The following CD163L1 variants were observed in gnomAD, a reference collection of about 807,000 sequenced individuals.
The protein encoded by CD163L1 is CD163 molecule like 1.
CD163L1 carries 124 observed loss-of-function variants against 165.4 expected under a neutral mutation model. That is an observed-to-expected ratio of 0.75 (90% CI 0.65 to 0.87). The LOEUF (loss-of-function observed/expected upper bound fraction) is 0.87. Ranked by LOEUF, CD163L1 falls within the 40% of genes least tolerant of loss-of-function variation. The pLI, the probability that CD163L1 is intolerant of heterozygous loss-of-function variation, is 0.00. For synonymous variants in CD163L1, 585 were observed against 662.2 expected (o/e 0.88, Z 1.79); for missense variants, 1,525 against 1,799.9 (o/e 0.85, Z 2.76).
the CD163L1 span, among the ~76,000 whole-genome samples, chr12:7,333,007 T>C: frequency 0.091 from 13,874 of 152,128 alleles, 733 homozygotes; most frequent in East Asian, 0.16. Flanking sequence ...TAAAGAGTCA[T>C]GACCCATCAG....
At chr12:7,409,685 G>A (rs1948096335) in intron 4 of CD163L1, among the ~76,000 whole-genome samples, 1 of 152,174 alleles carries the variant, frequency 6.6e-6, no homozygotes, top group African/African-American at 2.4e-5. Flanking sequence ...GGAGACCCCT[G>A]TCGTAAAGGG....
At chr12:7,439,280 T>G in intron 2 of CD163L1, 1 of 1,552,942 alleles carries the variant, frequency 6.4e-7, no homozygotes, top group Non-Finnish European at 8.7e-7. Context: ...GTTTTCGTCT[T>G]TAAATCTCTT....
rs368648151 is a variant in CD163L1, at chr12:7,373,468, G to A, written c.3582C>T (p.Leu1194=). ...LGCGENGVVS[L]APLSKTGSGF... ...CAGAGCCTGTCTTAGATAAAGGGGC[G>A]AGGCTGACAACTCCATTCTCCCCAC... The change falls in exon 14 of 20, where the codon CTC becomes CTT. Residue 1194 remains leucine, a synonymous_variant. Transcript: ENST00000313599. 15 of 1,614,040 alleles carry A rather than the reference G, an allele frequency of 9.3e-6. No homozygotes were observed. Among genetic ancestry groups the A allele is most frequent in the African/African-American group, 1.3e-5 (1 of 74,906 alleles).
At chr12:7,421,104 TAC>T (rs1256927103) in intron 4 of CD163L1, among the ~76,000 whole-genome samples, 3 of 121,532 alleles carry the variant, frequency 2.5e-5, no homozygotes, top group Non-Finnish European at 5.1e-5. Flanking sequence ...TATGTATATA[TAC>T]ATTTGGAAGA....
At position 7,406,629 on chromosome 12, in the gene CD163L1, G is replaced by A. The variant is rs2136532280; in HGVS notation, c.990C>T (p.Ser330=). 6.2e-7 allele frequency: 1 copy of A among 1,614,092 alleles called. No individual in the cohort carries two copies. Among genetic ancestry groups the A allele is most frequent in the South Asian group, 1.1e-5 (1 of 91,072 alleles). ...AAAGAAAAGATTCATTACCGGAGCA[G>A]GAGACACCATCAAGCCATACAACAT... The part of the protein sequence containing the change: ...GSDVVWLDGV[S]CSGNESFLWD... Residue 330 remains serine, a synonymous_variant, in exon 5 of 20, where the codon TCC becomes TCT. Coordinates refer to ENST00000313599, the MANE Select transcript of CD163L1 (RefSeq NM_174941.6).
chr12:7,369,651 G>A lies in CD163L1; in HGVS notation c.3745C>T (p.Arg1249Cys), dbSNP rs142773410. 113 of 1,613,540 alleles carry A rather than the reference G, an allele frequency of 7.0e-5. No homozygotes were observed. The highest frequency in any genetic ancestry group is 9.1e-5 in the Non-Finnish European group (107 of 1,179,618). ...CCAGAGCACTCGGTGTCTCCTCCAC[G>A]CACTCTTATTCTATCTACAAAGGCA... ...WITCEDRIRV[R>C]GGDTECSGRV... Residue 1249 changes from arginine to cysteine, a missense_variant, in exon 15 of 20, where the codon CGT (arginine) becomes TGT (cysteine). Physicochemically the swap from Arg to Cys is radical, Grantham distance 180. Transcript: ENST00000313599. The surrounding 1 kb of genome is among the most constrained non-coding windows in gnomAD (Gnocchi z 4.9).
Position 7,386,600 on chromosome 12 carries a change from A to T in CD163L1, c.2051-7302T>A, listed in dbSNP as rs778353581. Among the ~76,000 whole-genome samples the T allele has an allele frequency of 3.7e-4, 24 of 64,650 alleles. No homozygotes were observed. In the South Asian group the frequency reaches 0.016, roughly 43 times the overall value. 42.4% of individuals were successfully genotyped at this position (64,650 alleles called of 152,430 possible). A position where few individuals can be genotyped will look rare whatever the true frequency, so the allele number is the denominator to read the frequency against. ...ATACCAGCAAGCCAAATCCGTCAAC[A>T]TATCAAAAAAAAAAAAAAAAACAGT... On this transcript the variant is annotated intron_variant, in intron 8 of 19. Transcript: ENST00000313599.
chr12:7,389,523 T>C (rs1473679473), intron 8 of CD163L1, among the ~76,000 whole-genome samples: 30 of 151,784 alleles, frequency 2.0e-4, no homozygotes, highest in South Asian at 2.1e-4. Context: ...GGAAGGGTAA[T>C]GGGGGGCTGG....
At chr12:7,324,516 T>A in the CD163L1 span, 2 of 1,613,916 alleles carry the variant, frequency 1.2e-6, no homozygotes, top group East Asian at 4.5e-5. Flanking sequence ...ATTGGGCCAT[T>A]TGAAGTGGAG....
chr12:7,408,655 T>A (rs1381529082), intron 4 of CD163L1, among the ~76,000 whole-genome samples: 1 of 152,198 alleles, frequency 6.6e-6, no homozygotes, highest in Admixed American at 6.5e-5. Flanking sequence ...CTTTTCTTAA[T>A]CTAATAACTG....
intron 4 of CD163L1, among the ~76,000 whole-genome samples, chr12:7,410,827 C>G (rs1948125277): frequency 6.7e-6 from 1 of 149,438 alleles, no homozygotes; most frequent in Non-Finnish European, 1.5e-5. Context: ...GAGACTCTGT[C>G]TCAAAAAAAT....
At chr12:7,410,778 TGAG>T (rs1344201026) in intron 4 of CD163L1, among the ~76,000 whole-genome samples, 1 of 151,376 alleles carries the variant, frequency 6.6e-6, no homozygotes. Context: ...TGCAGTGAGC[TGAG>T]ATCACACCAC....
At chr12:7,403,973 T>C (rs1947965310) in intron 5 of CD163L1, 118 bp from the exon 6 acceptor site, 3 of 575,264 alleles carry the variant, frequency 5.2e-6, no homozygotes, top group Non-Finnish European at 5.6e-6. Flanking sequence ...CTGAGAAAAG[T>C]AAAGACTAAA....
chr12:7,377,217 T>G (rs1171749604), intron 9 of CD163L1, among the ~76,000 whole-genome samples: 1 of 152,212 alleles, frequency 6.6e-6, no homozygotes, highest in Non-Finnish European at 1.5e-5. Flanking sequence ...TAACTGACTC[T>G]CCCATGACCT....
the CD163L1 span, among the ~76,000 whole-genome samples, chr12:7,334,362 G>T: frequency 6.6e-6 from 1 of 152,056 alleles, no homozygotes; most frequent in Non-Finnish European, 1.5e-5. Flanking sequence ...ACATAATCCA[G>T]CATATAAACA....
chr12:7,361,100 G>A (rs1946881510), intron 18 of CD163L1, among the ~76,000 whole-genome samples: 1 of 152,004 alleles, frequency 6.6e-6, no homozygotes, highest in Non-Finnish European at 1.5e-5. Context: ...TTCTGTTTGG[G>A]TATGCTTTTT....
chr12:7,386,307 T>C (rs1267917914), intron 8 of CD163L1, among the ~76,000 whole-genome samples: 1 of 152,056 alleles, frequency 6.6e-6, no homozygotes, highest in Admixed American at 6.5e-5. Flanking sequence ...CATGAGTAAT[T>C]AGATTAAATC....
chr12:7,412,275 T>C (rs992431118), intron 4 of CD163L1, among the ~76,000 whole-genome samples: 1 of 152,226 alleles, frequency 6.6e-6, no homozygotes, highest in Admixed American at 6.5e-5. Flanking sequence ...ATCTTTTGGC[T>C]GAAACTTTTA....
downstream of CD163L1, among the ~76,000 whole-genome samples, chr12:7,344,714 T>C (rs187792280): frequency 1.4e-3 from 218 of 152,360 alleles, 3 homozygotes; most frequent in Non-Finnish European, 2.8e-4. Context: ...CCAGGCTTTC[T>C]CATAAATACT....
Sources: gnomAD v4.1 joint callset for allele counts (sites outside exome capture counted in the v4.1 genomes callset) on GRCh38, gnomAD v4.1.1 for gene constraint, Gnocchi (gnomAD v3.1) non-coding constraint, MANE v1.5 for transcripts, NCBI Gene and HGNC (gene_info 2026-07-23, HGNC 2026-07-21) for gene names.